Variants in ARHGEF28 observed in about 807,000 individuals in gnomAD.
ARHGEF28 encodes 190 kDa guanine nucleotide exchange factor.
Under a neutral mutation model 206.6 loss-of-function variants are expected in ARHGEF28, and 152 were observed. The ratio of observed to expected loss-of-function variants is 0.74; its 90% CI spans 0.64 to 0.84. The LOEUF (loss-of-function observed/expected upper bound fraction) is 0.84. ARHGEF28 is among the 40% of genes least tolerant of loss of function. ARHGEF28 has a pLI of 0.00. For missense variants in ARHGEF28, 2,028 were observed against 2,073.2 expected (o/e 0.98, Z 0.42); for synonymous variants, 763 against 776.4 (o/e 0.98, Z 0.29).
intron 1 of ARHGEF28, among the ~76,000 whole-genome samples, chr5:73,659,696 A>C (rs1449860876): frequency 2.6e-5 from 4 of 152,234 alleles, no homozygotes. Flanking sequence ...TTTCAGTTCC[A>C]CATCACCACA....
At chr5:73,688,685 T>C (rs1747620580) in intron 2 of ARHGEF28, among the ~76,000 whole-genome samples, 1 of 151,858 alleles carries the variant, frequency 6.6e-6, no homozygotes, top group African/African-American at 2.4e-5. Flanking sequence ...TGAGATGGAG[T>C]CTCACTCTGT....
chr5:73,701,852 T>C (rs534819014), intron 2 of ARHGEF28, among the ~76,000 whole-genome samples: 1 of 152,206 alleles, frequency 6.6e-6, no homozygotes, highest in Non-Finnish European at 1.5e-5. Flanking sequence ...TGTTTAACCA[T>C]TTCAGGTTTT....
intron 1 of ARHGEF28, among the ~76,000 whole-genome samples, chr5:73,675,397 A>G (rs1194343975): frequency 6.6e-6 from 1 of 152,164 alleles, no homozygotes; most frequent in Non-Finnish European, 1.5e-5. Context: ...GGTGGAAAAA[A>G]GACTTGCCTG....
chr5:73,672,782 C>A (rs1399813537), intron 1 of ARHGEF28, among the ~76,000 whole-genome samples: 1 of 152,180 alleles, frequency 6.6e-6, no homozygotes, highest in East Asian at 1.9e-4. Context: ...TTTTAAAGGG[C>A]TTAATCACTT....
chr5:73,909,342 C>G, intron 33 of ARHGEF28, 70 bp from the exon 34 acceptor site: 2 of 1,512,342 alleles, frequency 1.3e-6, no homozygotes, highest in Non-Finnish European at 1.8e-6. Context: ...CGAGGTAGTT[C>G]CAACCGAAAG....
At chr5:73,716,313 A>C (rs1749577805) in intron 2 of ARHGEF28, among the ~76,000 whole-genome samples, 1 of 152,196 alleles carries the variant, frequency 6.6e-6, no homozygotes, top group Non-Finnish European at 1.5e-5. Flanking sequence ...TGGAATGTTG[A>C]GGGCCTGTTT....
At chr5:73,708,585 AC>A (rs1245981419) in intron 2 of ARHGEF28, among the ~76,000 whole-genome samples, 2 of 152,154 alleles carry the variant, frequency 1.3e-5, no homozygotes, top group Non-Finnish European at 2.9e-5. Context: ...TATATGTACT[AC>A]ATTTTCTTTA....
chr5:73,893,858 C>T (rs2112689770), intron 28 of ARHGEF28, among the ~76,000 whole-genome samples: 1 of 152,222 alleles, frequency 6.6e-6, no homozygotes, highest in Non-Finnish European at 1.5e-5. Flanking sequence ...CTGAGAATTC[C>T]TGGATTCAAT....
intron 9 of ARHGEF28, among the ~76,000 whole-genome samples, chr5:73,819,429 A>G (rs554334508): frequency 3.9e-4 from 59 of 152,292 alleles, no homozygotes; most frequent in African/African-American, 1.1e-3. Context: ...CTGGGTCACA[A>G]TGATTGGCCT....
chr5:73,699,467 G>T (rs1270270450), intron 2 of ARHGEF28, among the ~76,000 whole-genome samples: 1 of 152,128 alleles, frequency 6.6e-6, no homozygotes, highest in East Asian at 1.9e-4. Context: ...AGGAAGAGTT[G>T]CAGGTATACA....
intron 2 of ARHGEF28, among the ~76,000 whole-genome samples, chr5:73,740,706 G>A (rs187606025): frequency 2.0e-5 from 3 of 152,128 alleles, no homozygotes; most frequent in Non-Finnish European, 2.9e-5. Flanking sequence ...CATCCCTTTG[G>A]CATCCTTGTC....
intron 22 of ARHGEF28, among the ~76,000 whole-genome samples, 152 bp from the exon 23 acceptor site, chr5:73,882,320 T>C (rs1264767163): frequency 6.6e-6 from 1 of 152,138 alleles, no homozygotes; most frequent in Non-Finnish European, 1.5e-5. Context: ...ATTTAAAAAA[T>C]GTCTGAGGAG....
At chr5:73,684,642 G>A (rs923467787) in intron 1 of ARHGEF28, among the ~76,000 whole-genome samples, 199 bp from the exon 2 acceptor site, 4 of 151,824 alleles carry the variant, frequency 2.6e-5, no homozygotes, top group Non-Finnish European at 4.4e-5. Flanking sequence ...ATTTTGAGGG[G>A]CCATCATATT....
At chr5:73,929,767 C>T (rs1382940323) in intron 35 of ARHGEF28, among the ~76,000 whole-genome samples, 1 of 152,096 alleles carries the variant, frequency 6.6e-6, no homozygotes, top group African/African-American at 2.4e-5. Context: ...TTAGGGTTAG[C>T]AAATATCTTA....
chr5:73,818,555 T>C (rs912483840), intron 9 of ARHGEF28, among the ~76,000 whole-genome samples: 20 of 152,224 alleles, frequency 1.3e-4, no homozygotes, highest in African/African-American at 4.8e-4. Flanking sequence ...TTTCTAAAGG[T>C]GACATAACCT....
At chr5:73,782,889 C>A (rs1024547178) in intron 7 of ARHGEF28, among the ~76,000 whole-genome samples, 7 of 152,126 alleles carry the variant, frequency 4.6e-5, no homozygotes, top group Admixed American at 1.3e-4. Context: ...TTACAAGGGC[C>A]TATGGCAATG....
chr5:73,738,201 C>T (rs1197818942), intron 2 of ARHGEF28, among the ~76,000 whole-genome samples: 4 of 152,146 alleles, frequency 2.6e-5, no homozygotes, highest in South Asian at 4.1e-4. Flanking sequence ...GACTGTTGCT[C>T]TTCCCCACTA....
At chr5:73,883,029 T>C (rs1332539049) in intron 23 of ARHGEF28, among the ~76,000 whole-genome samples, 2 of 152,308 alleles carry the variant, frequency 1.3e-5, no homozygotes, top group South Asian at 2.1e-4. Context: ...AAAGTAACAA[T>C]AGTTTTTGAT....
chr5:73,921,559 G>T (rs1003003636), intron 35 of ARHGEF28, among the ~76,000 whole-genome samples: 1 of 152,210 alleles, frequency 6.6e-6, no homozygotes, highest in East Asian at 1.9e-4. Context: ...AAAGGGTGTA[G>T]TTATGCAGGA....
Sources: allele counts gnomAD v4.1 joint callset (sites outside exome capture counted in the v4.1 genomes callset), GRCh38; gene constraint gnomAD v4.1.1; transcripts MANE v1.5; gene names NCBI Gene and HGNC (gene_info 2026-07-23, HGNC 2026-07-21).